Variants in MAGI2 observed in about 807,000 individuals in gnomAD.
MAGI2 encodes the protein membrane associated guanylate kinase, WW and PDZ domain containing 2.
In MAGI2, 35 loss-of-function variants were observed where a neutral mutation model predicts 133.3. That is an observed-to-expected ratio of 0.26 (90% CI 0.20 to 0.35). The LOEUF (loss-of-function observed/expected upper bound fraction) is 0.35, where lower values mean the gene tolerates loss of function less well. MAGI2 is among the 10% of genes least tolerant of loss of function. The pLI, the probability that MAGI2 is intolerant of heterozygous loss-of-function variation, is 1.00. For synonymous variants in MAGI2, 729 were observed against 710.6 expected, an observed-to-expected ratio of 1.03 and a Z score of -0.41; for missense variants, 1,636 against 1,863.4, an observed-to-expected ratio of 0.88 and a Z score of 2.25.
At chr7:78,866,071 T>C (rs1584208571) in intron 2 of MAGI2, among the ~76,000 whole-genome samples, 1 of 152,086 alleles carries the variant, frequency 6.6e-6, no homozygotes, top group Admixed American at 6.5e-5. Flanking sequence ...GAAAAAAAAA[T>C]GAACTGATAA....
Position 78,018,958 on chromosome 7 carries a change from A to G in MAGI2, c.*357T>C, listed in dbSNP as rs1472679282. The stretch of plus-strand genomic sequence containing the variant: ...GCTCTTAACTTTGTCCTGTTTCTTG[A>G]TATAAAGTTTGGATGACATCCAAGT... On this transcript the variant is annotated 3_prime_UTR_variant, in exon 22 of 22. Coordinates refer to ENST00000354212, the MANE Select transcript of MAGI2 (RefSeq NM_012301.4). 9 of 396,710 alleles carry G rather than the reference A, an allele frequency of 2.3e-5. No individual in the cohort carries two copies. In the East Asian group the frequency reaches 3.2e-4, roughly 14 times the overall value. 24.6% of individuals were successfully genotyped at this position (396,710 alleles called of 1,614,324 possible). A position where few individuals can be genotyped will look rare whatever the true frequency, so the allele number is the denominator to read the frequency against.
At chr7:78,717,342 A>G (rs568944620) in intron 2 of MAGI2, among the ~76,000 whole-genome samples, 7 of 152,292 alleles carry the variant, frequency 4.6e-5, no homozygotes, top group Non-Finnish European at 7.3e-5. Context: ...CAGGAAAGGT[A>G]TATAATTAAG....
intron 21 of MAGI2, among the ~76,000 whole-genome samples, chr7:78,045,575 A>G (rs1811334237): frequency 6.6e-6 from 1 of 152,220 alleles, no homozygotes; most frequent in African/African-American, 2.4e-5. Flanking sequence ...TCAGAAATAC[A>G]TCTTTGAGAA....
chr7:79,120,692 C>T (rs1409583037), intron 1 of MAGI2, among the ~76,000 whole-genome samples: 3 of 151,924 alleles, frequency 2.0e-5, no homozygotes, highest in African/African-American at 7.2e-5. Flanking sequence ...TAAGTAGGAA[C>T]TTAGTGTTTT....
At chr7:78,525,649 G>A (rs904390288) in intron 3 of MAGI2, among the ~76,000 whole-genome samples, 2 of 152,216 alleles carry the variant, frequency 1.3e-5, no homozygotes, top group African/African-American at 4.8e-5. Flanking sequence ...ACAATATGGT[G>A]TAATGCTTAA....
intron 1 of MAGI2, among the ~76,000 whole-genome samples, chr7:79,091,818 T>C (rs1817078895): frequency 1.3e-5 from 2 of 151,928 alleles, no homozygotes; most frequent in African/African-American, 4.8e-5. Flanking sequence ...CAAATTTGAA[T>C]GTTACGTAAT....
intron 2 of MAGI2, among the ~76,000 whole-genome samples, chr7:78,749,048 T>G (rs1214501121): frequency 6.6e-6 from 1 of 152,144 alleles, no homozygotes; most frequent in Non-Finnish European, 1.5e-5. Flanking sequence ...GTGGGAGAGA[T>G]AAGAAATGCA....
intron 1 of MAGI2, among the ~76,000 whole-genome samples, chr7:79,016,975 G>A (rs1372598659): frequency 7.2e-5 from 11 of 152,226 alleles, no homozygotes; most frequent in African/African-American, 2.2e-4. Context: ...GGACACTGGC[G>A]AGGCCCCGTG....
At position 78,256,030 on chromosome 7, in the gene MAGI2, C is replaced by A. The variant is rs752421858; in HGVS notation, c.1960G>T (p.Val654Leu). The A allele has an allele frequency of 2.5e-6, 4 of 1,613,544 alleles. No individual in the cohort carries two copies. The highest frequency in any genetic ancestry group is 3.3e-5 in the Admixed American group (2 of 59,962). Residue 654 changes from valine (V) to leucine (L), a missense_variant, in exon 10 of 22, where the codon GTA (valine) becomes TTA (leucine). Coordinates refer to ENST00000354212, the MANE Select transcript of MAGI2 (RefSeq NM_012301.4). ...ACTTCTGTATGGCTCAGGTTCTGTA[C>A]ATTCTGCTGGTTGATCTCAACAATG... ...DLIVEINQQN[V>L]QNLSHTEVVD...
At chr7:78,245,336 C>CT (rs1196467516) in intron 10 of MAGI2, among the ~76,000 whole-genome samples, 1 of 152,134 alleles carries the variant, frequency 6.6e-6, no homozygotes, top group Non-Finnish European at 1.5e-5. Flanking sequence ...ACATGATTGG[C>CT]TTTGTTTATT....
intron 2 of MAGI2, among the ~76,000 whole-genome samples, chr7:78,744,134 AAAC>A (rs1822699720): frequency 6.6e-6 from 1 of 152,144 alleles, no homozygotes; most frequent in African/African-American, 2.4e-5. Context: ...GAGTAGGTAA[AAAC>A]AATAAAGATA....
At chr7:78,807,626 A>C (rs975722328) in intron 2 of MAGI2, among the ~76,000 whole-genome samples, 1 of 152,142 alleles carries the variant, frequency 6.6e-6, no homozygotes, top group South Asian at 2.1e-4. Flanking sequence ...AAAAAGCCTC[A>C]ATGGCTCTTC....
chr7:78,436,791 A>G (rs555676021), intron 6 of MAGI2, among the ~76,000 whole-genome samples: 150 of 152,242 alleles, frequency 9.9e-4, no homozygotes, highest in Admixed American at 4.2e-3. Flanking sequence ...TCCCAGCCGC[A>G]TCCCCAAGCT....
At chr7:79,069,783 C>G (rs1381992903) in intron 1 of MAGI2, among the ~76,000 whole-genome samples, 9 of 152,214 alleles carry the variant, frequency 5.9e-5, no homozygotes, top group Admixed American at 2.6e-4. Context: ...TTCAGGAGCT[C>G]TTGAAAGGCA....
intron 1 of MAGI2, among the ~76,000 whole-genome samples, chr7:79,386,889 C>A (rs1029626499): frequency 6.6e-6 from 1 of 151,894 alleles, no homozygotes; most frequent in African/African-American, 2.4e-5. Flanking sequence ...GAGGACACAG[C>A]AACAAGGAGC....
intron 2 of MAGI2, among the ~76,000 whole-genome samples, chr7:78,760,067 G>T (rs7789529): frequency 6.6e-6 from 1 of 152,012 alleles, no homozygotes; most frequent in African/African-American, 2.4e-5. Flanking sequence ...AGCGAGCCAA[G>T]ATCATGCCAC....
At chr7:78,120,659 C>A (rs1820352539) in intron 20 of MAGI2, among the ~76,000 whole-genome samples, 1 of 152,020 alleles carries the variant, frequency 6.6e-6, no homozygotes, top group Admixed American at 6.6e-5. Context: ...TATTATAGAG[C>A]TGTCATTGCA....
intron 7 of MAGI2, among the ~76,000 whole-genome samples, chr7:78,367,621 T>A (rs959973225): frequency 1.3e-5 from 2 of 152,196 alleles, no homozygotes; most frequent in Non-Finnish European, 2.9e-5. Flanking sequence ...ACATATGGAC[T>A]AAGGAGTGGT....
chr7:78,274,354 C>T (rs1328593522), intron 9 of MAGI2, among the ~76,000 whole-genome samples: 1 of 152,148 alleles, frequency 6.6e-6, no homozygotes, highest in South Asian at 2.1e-4. Context: ...CCATAGCTCT[C>T]CTGTATGAGG....
Sources: gnomAD v4.1 joint callset for allele counts (sites outside exome capture counted in the v4.1 genomes callset) on GRCh38, gnomAD v4.1.1 for gene constraint, MANE v1.5 for transcripts, NCBI Gene and HGNC (gene_info 2026-07-23, HGNC 2026-07-21) for gene names.